The following SSH2 variants were observed in gnomAD, a reference collection of about 807,000 sequenced individuals.
SSH2 encodes slingshot protein phosphatase 2, also known as protein phosphatase Slingshot homolog 2.
In SSH2, 37 loss-of-function variants were observed where a neutral mutation model predicts 135.2. The ratio of observed to expected loss-of-function variants is 0.27; its 90% CI spans 0.21 to 0.36. The LOEUF (loss-of-function observed/expected upper bound fraction) is 0.36. Ranked by LOEUF, SSH2 falls within the 10% of genes least tolerant of loss-of-function variation. The pLI, the probability that SSH2 is intolerant of heterozygous loss-of-function variation, is 1.00. For missense variants in SSH2, 1,408 were observed against 1,765.3 expected (o/e 0.80, Z 3.63); for synonymous variants, 628 against 646.2 (o/e 0.97, Z 0.43).
In SSH2 at chr17:29,929,927, G is replaced by C; in HGVS notation, c.63+11C>G. On this transcript the variant is annotated intron_variant, in intron 1 of 15. Coordinates refer to ENST00000540801, the MANE Select transcript of SSH2 (RefSeq NM_001282129.2). ...CAGAAGCAAGCGGAGCGGCCGCCAG[G>C]AAGGACTCACCGAGGCGCAGGGGCT... is the stretch of plus-strand genomic sequence containing the variant. The C allele has an allele frequency of 1.3e-6, 2 of 1,592,630 alleles. No homozygotes were observed. The highest frequency in any genetic ancestry group is 2.3e-5 in the South Asian group (2 of 87,744).
intron 1 of SSH2, among the ~76,000 whole-genome samples, chr17:29,907,318 C>A (rs2066672172): frequency 6.7e-6 from 1 of 150,370 alleles, no homozygotes; most frequent in Non-Finnish European, 1.5e-5. Flanking sequence ...ATGTGGGACA[C>A]ATGGTGGGGA....
chr17:29,821,734 C>T (rs1187657222), intron 2 of SSH2, among the ~76,000 whole-genome samples: 3 of 151,620 alleles, frequency 2.0e-5, no homozygotes, highest in Non-Finnish European at 4.4e-5. Context: ...AACCTCTGCC[C>T]CCGGGTTCAA....
intron 2 of SSH2, among the ~76,000 whole-genome samples, chr17:29,847,162 C>T (rs910886128): frequency 6.6e-6 from 1 of 152,126 alleles, no homozygotes; most frequent in Non-Finnish European, 1.5e-5. Flanking sequence ...GGGAAAAATT[C>T]CAAGAGCGGC....
Position 29,632,330 on chromosome 17 carries a change from G to A in SSH2, c.2864C>T (p.Pro955Leu), listed in dbSNP as rs1426209772. 1 of 1,613,820 alleles carries A rather than the reference G, an allele frequency of 6.2e-7. No individual in the cohort carries two copies. The highest frequency in any genetic ancestry group is 1.3e-5 in the African/African-American group (1 of 74,872). Reference sequence around the variant, plus strand: ...TTTCCCTTTGCCTTTGCTCATTTCTGGTTCCTTGAGGACAAATGAATGTTC... The same window carrying A: ...TTTCCCTTTGCCTTTGCTCATTTCTAGTTCCTTGAGGACAAATGAATGTTC... ...PPEHSFVLKE[P>L]EMSKGKGKYS... is the part of the protein sequence containing the mutation. The change falls in exon 16 of 16, where the codon CCA (proline) becomes CTA (leucine). Residue 955 changes from proline to leucine, a missense_variant. By Grantham distance (98) the Pro-to-Leu change is moderately conservative (BLOSUM62 -3). This residue lies in a region of SSH2 where 1,080 missense variants were observed against 1,144.5 expected (regional missense o/e 0.94). Transcript: ENST00000540801.
chr17:29,635,614 T>G (rs944583659), intron 15 of SSH2, among the ~76,000 whole-genome samples: 1 of 151,932 alleles, frequency 6.6e-6, no homozygotes, highest in East Asian at 1.9e-4. Flanking sequence ...TTCACCGTGT[T>G]AGCCAGGATG....
At chr17:29,895,006 A>G (rs2066418330) in intron 1 of SSH2, among the ~76,000 whole-genome samples, 1 of 151,118 alleles carries the variant, frequency 6.6e-6, no homozygotes, top group Non-Finnish European at 1.5e-5. Context: ...CTTGAGTCTC[A>G]TCTCCCATCA....
intron 8 of SSH2, among the ~76,000 whole-genome samples, chr17:29,673,320 A>G (rs1178582616): frequency 6.6e-6 from 1 of 152,120 alleles, no homozygotes; most frequent in Non-Finnish European, 1.5e-5. Flanking sequence ...CTGTAATCCT[A>G]GCACTTTGGG....
intron 3 of SSH2, among the ~76,000 whole-genome samples, chr17:29,724,148 C>G (rs1231347277): frequency 6.6e-6 from 1 of 152,196 alleles, no homozygotes; most frequent in Non-Finnish European, 1.5e-5. Flanking sequence ...GATTTTAACT[C>G]AAAGGTGTAA....
chr17:29,744,218 G>A (rs549732583), intron 3 of SSH2, among the ~76,000 whole-genome samples: 41 of 152,238 alleles, frequency 2.7e-4, no homozygotes, highest in Admixed American at 2.4e-3. Flanking sequence ...CAGGTGGGCC[G>A]GGTGGGGATG....
At chr17:29,765,370 A>G (rs1186557466) in intron 3 of SSH2, among the ~76,000 whole-genome samples, 5 of 152,206 alleles carry the variant, frequency 3.3e-5, no homozygotes, top group African/African-American at 1.2e-4. Context: ...CTTGGCACTT[A>G]ATTTAGAAAG....
In SSH2 at chr17:29,761,120, G is replaced by A. The variant is rs1262614388; in HGVS notation, c.188+32774C>T. ...GAAAGAGCAAACTTTCTGAGCGTTC[G>A]CGGAGGCGGAGGGCGCGCGGCGGAC... On this transcript the variant is annotated intron_variant, in intron 3 of 15. Coordinates refer to ENST00000540801, the MANE Select transcript of SSH2 (RefSeq NM_001282129.2). The A allele has an allele frequency of 6.2e-6, 8 of 1,287,432 alleles. No individual in the cohort carries two copies. In the Admixed American group the frequency reaches 1.1e-4, roughly 19 times the overall value. The allele number at this position is 1,287,432 out of a possible 1,614,324, so 79.8% of individuals were successfully genotyped here. A position where few individuals can be genotyped will look rare whatever the true frequency, so the allele number is the denominator to read the frequency against.
At chr17:29,701,214 G>A (rs143440733) in intron 4 of SSH2, among the ~76,000 whole-genome samples, 2,178 of 151,902 alleles carry the variant, frequency 0.014, 67 homozygotes, top group African/African-American at 0.05. Context: ...CTTGTGATCC[G>A]CCCGTCTCAG....
intron 3 of SSH2, among the ~76,000 whole-genome samples, chr17:29,731,857 G>C (rs750860863): frequency 1.4e-4 from 22 of 152,114 alleles, no homozygotes; most frequent in Non-Finnish European, 2.5e-4. Context: ...TGATTAATTT[G>C]TTCATTCATT....
At chr17:29,654,626 T>TA (rs1257231959) in intron 12 of SSH2, among the ~76,000 whole-genome samples, 1 of 152,182 alleles carries the variant, frequency 6.6e-6, no homozygotes, top group East Asian at 1.9e-4. Flanking sequence ...GCTGACCTCC[T>TA]AAAGTGAATG....
chr17:29,832,707 A>C (rs1482266357), intron 2 of SSH2, among the ~76,000 whole-genome samples: 2 of 151,842 alleles, frequency 1.3e-5, no homozygotes, highest in East Asian at 3.9e-4. Context: ...GTCTTACCCT[A>C]CTGCCCAGGC....
chr17:29,772,484 A>C (rs1023991545), intron 3 of SSH2, among the ~76,000 whole-genome samples: 3 of 151,880 alleles, frequency 2.0e-5, no homozygotes, highest in Admixed American at 6.6e-5. Context: ...CTCTTACTTA[A>C]TTGCTTTCTC....
At chr17:29,729,713 T>C (rs547389040) in intron 3 of SSH2, among the ~76,000 whole-genome samples, 1 of 152,306 alleles carries the variant, frequency 6.6e-6, no homozygotes, top group African/African-American at 2.4e-5. Flanking sequence ...ATAAAAAGAA[T>C]GAGGTCCTGT....
At chr17:29,698,345 A>T (rs1299470393) in intron 4 of SSH2, among the ~76,000 whole-genome samples, 1 of 152,212 alleles carries the variant, frequency 6.6e-6, no homozygotes, top group African/African-American at 2.4e-5. Context: ...GGTGAATTAT[A>T]TGGTATGTGG....
intron 1 of SSH2, among the ~76,000 whole-genome samples, chr17:29,898,718 C>T (rs575216478): frequency 1.3e-5 from 2 of 152,238 alleles, no homozygotes; most frequent in Admixed American, 1.3e-4. Context: ...GGAGCTGGTA[C>T]CATTCCTTCT....
Sources: allele counts gnomAD v4.1 joint callset (sites outside exome capture counted in the v4.1 genomes callset), GRCh38; gene constraint gnomAD v4.1.1; regional missense constraint gnomAD v4.1.1; transcripts MANE v1.5; gene names NCBI Gene and HGNC (gene_info 2026-07-23, HGNC 2026-07-21).